RBFOX1: variants seen among roughly 807,000 people sequenced by gnomAD.
The protein encoded by RBFOX1 is RNA binding fox-1 homolog 1, also known as RNA binding protein fox-1 homolog 1.
A neutral mutation model predicts 57.7 loss-of-function variants in RBFOX1; 8 were observed. That is an observed-to-expected ratio of 0.14 (90% CI 0.08 to 0.25). The LOEUF is 0.25. Ranked by LOEUF, RBFOX1 falls within the 10% of genes least tolerant of loss-of-function variation. The pLI, the probability that RBFOX1 is intolerant of heterozygous loss-of-function variation, is 1.00. For synonymous variants in RBFOX1, 326 were observed against 222.4 expected (o/e 1.47, Z -4.15); for missense variants, 611 against 548.5 (o/e 1.11, Z -1.14).
rs969545335 is a variant in RBFOX1 at position 7,085,855 on chromosome 16, C to T, written c.27+33757C>T. The stretch of plus-strand genomic sequence containing the variant: ...GGTCCTGGTTTTAGCACTGAAAATC[C>T]TGCATCCCAGGAAACCGTTCTGCCC... On this transcript the variant is annotated intron_variant, in intron 4 of 15. Transcript: ENST00000550418. 3.3e-5 allele frequency among the ~76,000 whole-genome samples: 5 copies of T among 152,274 alleles called. No homozygotes were observed. In the East Asian group the frequency reaches 9.7e-4, roughly 29 times the overall value.
chr16:6,433,124 G>A (rs965695422), intron 2 of RBFOX1, among the ~76,000 whole-genome samples: 20 of 152,246 alleles, frequency 1.3e-4, no homozygotes, highest in African/African-American at 4.6e-4. Flanking sequence ...AGCCATTGCA[G>A]CAGTTCAGGT....
At chr16:5,908,314 A>ACG (rs2058525560) in intron 4 of RBFOX1, among the ~76,000 whole-genome samples, 1 of 144,088 alleles carries the variant, frequency 6.9e-6, no homozygotes. Flanking sequence ...ACACATATAT[A>ACG]CACACACACA....
At chr16:5,760,221 G>C (rs1461221162) in intron 3 of RBFOX1, among the ~76,000 whole-genome samples, 1 of 152,134 alleles carries the variant, frequency 6.6e-6, no homozygotes, top group Non-Finnish European at 1.5e-5. Flanking sequence ...GGAGAAACTG[G>C]AAATCTATGG....
At chr16:5,410,954 C>T (rs531464266) in intron 1 of RBFOX1, among the ~76,000 whole-genome samples, 3 of 152,312 alleles carry the variant, frequency 2.0e-5, no homozygotes, top group East Asian at 1.9e-4. Context: ...CATGAAAGCA[C>T]TTGTTTCAAA....
chr16:6,100,496 A>C (rs971982471), intron 1 of RBFOX1, among the ~76,000 whole-genome samples: 1 of 152,182 alleles, frequency 6.6e-6, no homozygotes, highest in African/African-American at 2.4e-5. Context: ...ATGCTTTGGT[A>C]GACCTGAGCT....
chr16:5,652,272 A>G (rs2049266518), intron 3 of RBFOX1, among the ~76,000 whole-genome samples: 1 of 152,232 alleles, frequency 6.6e-6, no homozygotes, highest in Non-Finnish European at 1.5e-5. Context: ...ACTACCTTAT[A>G]GGGTAGCTGC....
chr16:5,502,178 G>A (rs2043220603), intron 2 of RBFOX1, among the ~76,000 whole-genome samples: 1 of 152,172 alleles, frequency 6.6e-6, no homozygotes, highest in African/African-American at 2.4e-5. Flanking sequence ...CTAGAGTAGG[G>A]GGTGAATGAG....
At chr16:6,810,867 C>G (rs2088353291) in intron 3 of RBFOX1, among the ~76,000 whole-genome samples, 2 of 152,108 alleles carry the variant, frequency 1.3e-5, no homozygotes, top group South Asian at 2.1e-4. Flanking sequence ...AAGCCTCCCT[C>G]AACATGTGGG....
chr16:7,207,154 G>A (rs2090157716), intron 4 of RBFOX1, among the ~76,000 whole-genome samples: 3 of 152,184 alleles, frequency 2.0e-5, no homozygotes, highest in South Asian at 2.1e-4. Context: ...TCAGCAAGAG[G>A]TGTACGCTGT....
chr16:6,261,616 A>C (rs1318161184), intron 1 of RBFOX1, among the ~76,000 whole-genome samples: 4 of 151,724 alleles, frequency 2.6e-5, no homozygotes, highest in Non-Finnish European at 5.9e-5. Flanking sequence ...AAATGTCCAC[A>C]TTATGGTGTT....
At chr16:7,029,713 G>A (rs953455684) in intron 3 of RBFOX1, among the ~76,000 whole-genome samples, 1 of 152,128 alleles carries the variant, frequency 6.6e-6, no homozygotes, top group African/African-American at 2.4e-5. Flanking sequence ...ATAATTATAG[G>A]GTGGTAGCAT....
At chr16:5,706,781 A>G (rs2051264359) in intron 3 of RBFOX1, among the ~76,000 whole-genome samples, 2 of 151,964 alleles carry the variant, frequency 1.3e-5, no homozygotes, top group Non-Finnish European at 2.9e-5. Context: ...ATGAATTTGC[A>G]GGAAGGACTT....
chr16:5,757,595 A>T (rs1487446925), intron 3 of RBFOX1, among the ~76,000 whole-genome samples: 2 of 152,172 alleles, frequency 1.3e-5, no homozygotes, highest in African/African-American at 4.8e-5. Flanking sequence ...GGTGTTGGTT[A>T]TAACTCAGCC....
At chr16:5,485,363 A>G (rs924232315) in intron 2 of RBFOX1, among the ~76,000 whole-genome samples, 5 of 150,610 alleles carry the variant, frequency 3.3e-5, no homozygotes, top group Admixed American at 6.6e-5. Context: ...AAAAAAAAAA[A>G]AAAAAGTGAA....
chr16:6,805,556 A>T (rs1021421985), intron 3 of RBFOX1, among the ~76,000 whole-genome samples: 1 of 149,848 alleles, frequency 6.7e-6, no homozygotes, highest in African/African-American at 2.5e-5. Context: ...AAAAATTCTC[A>T]CTTCAGTTAT....
intron 3 of RBFOX1, among the ~76,000 whole-genome samples, chr16:6,874,277 A>C (rs950051219): frequency 2.0e-5 from 3 of 152,102 alleles, no homozygotes; most frequent in African/African-American, 4.8e-5. Flanking sequence ...CGGGAGGCTG[A>C]GGCAGGTGGA....
intron 14 of RBFOX1, among the ~76,000 whole-genome samples, chr16:7,708,284 T>G (rs2083157918): frequency 6.6e-6 from 1 of 152,330 alleles, no homozygotes; most frequent in East Asian, 1.9e-4. Context: ...TAGTAGGCAT[T>G]CAGCACGTTT....
intron 2 of RBFOX1, among the ~76,000 whole-genome samples, chr16:6,510,116 C>A (rs765105225): frequency 6.6e-6 from 1 of 152,112 alleles, no homozygotes; most frequent in Non-Finnish European, 1.5e-5. Context: ...CTTCCTCTAT[C>A]CTGAGCTCTT....
intron 2 of RBFOX1, among the ~76,000 whole-genome samples, chr16:6,394,781 C>G (rs1018609735): frequency 4.6e-5 from 7 of 152,078 alleles, no homozygotes; most frequent in Non-Finnish European, 8.8e-5. Flanking sequence ...AACAGCTCAG[C>G]CACGATCCCC....
Sources: allele counts gnomAD v4.1 joint callset (sites outside exome capture counted in the v4.1 genomes callset), GRCh38; gene constraint gnomAD v4.1.1; transcripts MANE v1.5; gene names NCBI Gene and HGNC (gene_info 2026-07-23, HGNC 2026-07-21).